Variants in NEBL observed in about 807,000 individuals in gnomAD.
The protein encoded by NEBL is LIM and SH3 protein 2.
Under a neutral mutation model 140.2 loss-of-function variants are expected in NEBL, and 122 were observed. The ratio of observed to expected loss-of-function variants is 0.87; its 90% CI spans 0.75 to 1.01. The LOEUF (loss-of-function observed/expected upper bound fraction) is 1.01. NEBL is among the 50% of genes least tolerant of loss of function. The probability of loss-of-function intolerance (pLI) is 0.00; values close to 1 mark genes in which losing one functional copy is unlikely to be tolerated. For synonymous variants in NEBL, 436 were observed against 398.9 expected (o/e 1.09, Z -1.11); for missense variants, 1,365 against 1,231.3 (o/e 1.11, Z -1.62).
intron 13 of NEBL, among the ~76,000 whole-genome samples, chr10:20,839,664 A>T (rs1841225077): frequency 6.6e-6 from 1 of 152,216 alleles, no homozygotes; most frequent in Non-Finnish European, 1.5e-5. Context: ...TCTATAAGAC[A>T]CTGTTAAACT....
intron 18 of NEBL, 26 bp downstream of exon 18, chr10:20,826,421 G>T (rs1839872811): frequency 7.1e-6 from 11 of 1,556,928 alleles, no homozygotes; most frequent in Non-Finnish European, 9.7e-6. Flanking sequence ...TTTTAGAAAA[G>T]ATAATTAATG....
At chr10:21,005,287 C>T (rs139035935) in intron 3 of NEBL, among the ~76,000 whole-genome samples, 1 of 152,288 alleles carries the variant, frequency 6.6e-6, no homozygotes, top group East Asian at 1.9e-4. Flanking sequence ...CAATAAGTCA[C>T]AGAATACCCA....
intron 2 of NEBL, among the ~76,000 whole-genome samples, chr10:21,079,131 CCTCT>C (rs747408800): frequency 6.6e-6 from 1 of 152,238 alleles, no homozygotes; most frequent in South Asian, 2.1e-4. Context: ...TCTGTCTCAG[CCTCT>C]CTCTCTCGGA....
At chr10:21,080,522 A>C (rs1440172683) in intron 2 of NEBL, among the ~76,000 whole-genome samples, 2 of 152,236 alleles carry the variant, frequency 1.3e-5, no homozygotes, top group African/African-American at 4.8e-5. Flanking sequence ...GTACAATATG[A>C]AGTTAGCCTT....
chr10:20,832,952 G>A (rs1840554713), intron 14 of NEBL, among the ~76,000 whole-genome samples: 1 of 152,120 alleles, frequency 6.6e-6, no homozygotes, highest in Admixed American at 6.5e-5. Flanking sequence ...CCTGTTCAAA[G>A]CCCCAAAATG....
At chr10:21,132,474 A>G (rs1427381455) in intron 2 of NEBL, among the ~76,000 whole-genome samples, 1 of 152,198 alleles carries the variant, frequency 6.6e-6, no homozygotes, top group Non-Finnish European at 1.5e-5. Context: ...GTATGGATGT[A>G]TGTTTTCAAT....
intron 2 of NEBL, among the ~76,000 whole-genome samples, chr10:21,032,563 C>A (rs682570): frequency 0.61 from 92,343 of 151,934 alleles, 28,112 homozygotes; most frequent in East Asian, 0.73. Flanking sequence ...TGGTTGCAAA[C>A]CATCAATTTT....
At chr10:21,033,449 T>C (rs1833878396) in intron 2 of NEBL, among the ~76,000 whole-genome samples, 1 of 152,150 alleles carries the variant, frequency 6.6e-6, no homozygotes, top group Admixed American at 6.5e-5. Context: ...TAGATGTACA[T>C]AAATGTGTAA....
chr10:20,894,640 C>T (rs1270244204), intron 2 of NEBL, among the ~76,000 whole-genome samples: 1 of 151,588 alleles, frequency 6.6e-6, no homozygotes, highest in African/African-American at 2.4e-5. Flanking sequence ...ATAGGCCGGG[C>T]ATGGTGGCTC....
chr10:20,904,099 G>A (rs1847989325), intron 4 of NEBL, among the ~76,000 whole-genome samples: 1 of 152,104 alleles, frequency 6.6e-6, no homozygotes, highest in Non-Finnish European at 1.5e-5. Context: ...TAAAAGTTAT[G>A]TGCATGTGTT....
At chr10:21,238,716 T>TAAAAAAAAAAAAAAA (rs35732687) in intron 3 of NEBL, among the ~76,000 whole-genome samples, 1 of 94,502 alleles carries the variant, frequency 1.1e-5, no homozygotes, top group Admixed American at 1.4e-4. Flanking sequence ...TCAAAAAAAT[T>TAAAAAAAAAAAAAAA]AAAAAAAAAA....
intron 13 of NEBL, among the ~76,000 whole-genome samples, chr10:20,839,429 T>C (rs1841199674): frequency 6.6e-6 from 1 of 152,088 alleles, no homozygotes; most frequent in African/African-American, 2.4e-5. Context: ...CCAGCATCCA[T>C]TCCTCCTCCT....
chr10:21,177,674 T>C (rs1279255651), upstream of NEBL, among the ~76,000 whole-genome samples: 1 of 151,842 alleles, frequency 6.6e-6, no homozygotes, highest in Non-Finnish European at 1.5e-5. Flanking sequence ...GGACTACAGG[T>C]GCCCACCACC....
chr10:20,992,809 G>C (rs574602748), intron 3 of NEBL, among the ~76,000 whole-genome samples: 1 of 105,002 alleles, frequency 9.5e-6, no homozygotes, highest in African/African-American at 3.8e-5. Context: ...GCGGAGTCTC[G>C]CTCTGTCACC....
At chr10:20,800,550 T>C (rs1212092195) in intron 26 of NEBL, among the ~76,000 whole-genome samples, 4 of 152,292 alleles carry the variant, frequency 2.6e-5, no homozygotes, top group East Asian at 3.9e-4. Flanking sequence ...GGAACTTCCA[T>C]ACTGTTTTCC....
intron 3 of NEBL, among the ~76,000 whole-genome samples, chr10:20,988,437 A>C (rs181296844): frequency 6.6e-6 from 1 of 152,192 alleles, no homozygotes; most frequent in Non-Finnish European, 1.5e-5. Context: ...CACCAAAAAA[A>C]AATTGACCAA....
intron 3 of NEBL, among the ~76,000 whole-genome samples, chr10:20,971,329 C>T (rs1180970583): frequency 1.3e-5 from 2 of 151,976 alleles, no homozygotes; most frequent in African/African-American, 4.8e-5. Flanking sequence ...ATAATTTGGA[C>T]AATTGATAAA....
At chr10:21,056,183 A>G (rs1340499032) in intron 2 of NEBL, among the ~76,000 whole-genome samples, 4 of 152,198 alleles carry the variant, frequency 2.6e-5, no homozygotes, top group African/African-American at 2.4e-5. Flanking sequence ...TCATGAAGCT[A>G]TTAGGTTTTG....
At chr10:20,845,769 A>G (rs1346971751) in intron 11 of NEBL, among the ~76,000 whole-genome samples, 1 of 152,060 alleles carries the variant, frequency 6.6e-6, no homozygotes, top group Non-Finnish European at 1.5e-5. Context: ...CCACCTTCAA[A>G]CCCAAGCAGC....
Sources: allele counts gnomAD v4.1 joint callset (sites outside exome capture counted in the v4.1 genomes callset), GRCh38; gene constraint gnomAD v4.1.1; transcripts MANE v1.5; gene names NCBI Gene and HGNC (gene_info 2026-07-23, HGNC 2026-07-21).